Variants in ZNF827 observed in about 807,000 individuals in gnomAD.
ZNF827 encodes zinc finger protein 827.
Under a neutral mutation model 102.4 loss-of-function variants are expected in ZNF827, and 13 were observed. The ratio of observed to expected loss-of-function variants is 0.13; its 90% confidence interval spans 0.08 to 0.20. The LOEUF is 0.20. Ranked by LOEUF, ZNF827 falls within the 10% of genes least tolerant of loss-of-function variation. ZNF827 has a pLI of 1.00. For synonymous variants in ZNF827, 523 were observed against 536.2 expected (o/e 0.98, Z 0.34); for missense variants, 1,103 against 1,344.4 (o/e 0.82, Z 2.81).
intron 9 of ZNF827, 27 bp downstream of exon 9, chr4:145,779,347 C>T: frequency 6.2e-7 from 1 of 1,610,396 alleles, no homozygotes; most frequent in Middle Eastern, 1.7e-4. Flanking sequence ...GCATAGAGGG[C>T]TGACAGCCCA....
At position 145,765,487 on chromosome 4, in the gene ZNF827, C is replaced by T. The variant is rs115676530; in HGVS notation, c.3052+60G>A. 3,202 of 1,542,828 alleles carry T rather than the reference C, an allele frequency of 2.1e-3. 71 individuals carry two copies. The African/African-American group carries it at 0.04, about 19-fold the overall frequency. The stretch of plus-strand genomic sequence containing the variant: ...ATCGCTCCTGTGCAGGGCTTATTCT[C>T]AAGAATGGGTCATCCTGGGTGCGGA... On this transcript the variant is annotated intron_variant, in intron 12 of 14. Coordinates refer to ENST00000508784, the MANE Select transcript of ZNF827 (RefSeq NM_001306215.2). The surrounding 1 kb of genome is among the most constrained non-coding windows in gnomAD (Gnocchi z 4.7).
chr4:145,850,127 A>G (rs966383002), intron 5 of ZNF827, among the ~76,000 whole-genome samples: 1 of 151,732 alleles, frequency 6.6e-6, no homozygotes, highest in African/African-American at 2.4e-5. Flanking sequence ...CTCCTGCCTC[A>G]GCCTCCCGAG....
chr4:145,781,195 C>CAAAAAAAAAAAAAAAAAAAAAAAA (rs10605153), intron 8 of ZNF827, among the ~76,000 whole-genome samples: 47 of 56,532 alleles, frequency 8.3e-4, no homozygotes, highest in East Asian at 1.4e-3. Context: ...GACACCATCT[C>CAAAAAAAAAAAAAAAAAAAAAAAA]AAAAAAAAAA....
At chr4:145,772,362 T>TC (rs942604742) in intron 11 of ZNF827, among the ~76,000 whole-genome samples, 11 of 152,310 alleles carry the variant, frequency 7.2e-5, no homozygotes, top group Admixed American at 7.2e-4. Context: ...TTTGCAATAG[T>TC]CCAACTTACT....
chr4:145,923,388 T>G (rs1358177619), intron 1 of ZNF827, among the ~76,000 whole-genome samples: 3 of 151,504 alleles, frequency 2.0e-5, no homozygotes, highest in Non-Finnish European at 4.4e-5. Flanking sequence ...GCGGATCACC[T>G]GAGGCCAGGA....
chr4:145,773,960 G>A (rs966312634), intron 11 of ZNF827, among the ~76,000 whole-genome samples: 20 of 152,264 alleles, frequency 1.3e-4, no homozygotes, highest in Admixed American at 1.2e-3. Context: ...CAGAGAGCAA[G>A]CTCTGGAATG....
chr4:145,901,587 G>A (rs942574178), intron 2 of ZNF827, among the ~76,000 whole-genome samples: 2 of 152,152 alleles, frequency 1.3e-5, no homozygotes, highest in African/African-American at 4.8e-5. Flanking sequence ...ATCTTTTTGA[G>A]TTCTTATAGG....
chr4:145,927,139 T>C (rs1414338499), intron 1 of ZNF827, among the ~76,000 whole-genome samples: 1 of 152,204 alleles, frequency 6.6e-6, no homozygotes, highest in Non-Finnish European at 1.5e-5. Flanking sequence ...CTGTGTTTCA[T>C]GCTCTAGAGA....
At chr4:145,882,623 A>G (rs1416450943) in intron 4 of ZNF827, among the ~76,000 whole-genome samples, 1 of 152,192 alleles carries the variant, frequency 6.6e-6, no homozygotes, top group Non-Finnish European at 1.5e-5. Context: ...TAGTTGAAGG[A>G]GCAAGAAAGA....
chr4:145,905,150 T>C (rs1198593761), intron 1 of ZNF827, among the ~76,000 whole-genome samples: 2 of 152,256 alleles, frequency 1.3e-5, no homozygotes, highest in Non-Finnish European at 2.9e-5. Context: ...AGGAATTGTA[T>C]TTTATTATCT....
At chr4:145,914,082 C>CACAG (rs1236738368) in intron 1 of ZNF827, among the ~76,000 whole-genome samples, 6 of 151,840 alleles carry the variant, frequency 4.0e-5, no homozygotes, top group African/African-American at 1.5e-4. Flanking sequence ...CACACACACA[C>CACAG]ACACACACCA....
chr4:145,780,278 A>G (rs1159773377), intron 8 of ZNF827, among the ~76,000 whole-genome samples: 1 of 152,236 alleles, frequency 6.6e-6, no homozygotes, highest in Non-Finnish European at 1.5e-5. Flanking sequence ...TATCCCTTGA[A>G]AGGAAATATG....
intron 5 of ZNF827, among the ~76,000 whole-genome samples, chr4:145,865,484 G>A (rs1300135524): frequency 1.3e-5 from 2 of 152,084 alleles, no homozygotes; most frequent in African/African-American, 2.4e-5. Flanking sequence ...CACAGACAGC[G>A]GGACTCCCAC....
At chr4:145,885,540 T>C (rs977260248) in intron 4 of ZNF827, 138 bp downstream of exon 4, 1 of 1,292,570 alleles carries the variant, frequency 7.7e-7, no homozygotes, top group Non-Finnish European at 1.0e-6. Flanking sequence ...ACTATCCAAA[T>C]TTAAAGGGAC....
At chr4:145,863,740 G>T (rs1257532302) in intron 5 of ZNF827, among the ~76,000 whole-genome samples, 1 of 151,998 alleles carries the variant, frequency 6.6e-6, no homozygotes, top group Non-Finnish European at 1.5e-5. Context: ...AGGTGGTGGG[G>T]ATAGAGAGTG....
At chr4:145,920,494 A>G (rs1752983154) in intron 1 of ZNF827, among the ~76,000 whole-genome samples, 1 of 152,226 alleles carries the variant, frequency 6.6e-6, no homozygotes, top group Non-Finnish European at 1.5e-5. Flanking sequence ...AAGTCTCCTC[A>G]GGAAGGGAGG....
Position 145,761,325 on chromosome 4 carries a change from G to A in ZNF827, c.*291C>T. ...GCAGGTTGAGATTGTCCTTGCGCTT[G>A]CAGCTGTAGCTGCACTGGTCACAGT... On this transcript the variant is annotated 3_prime_UTR_variant, in exon 15 of 15. Transcript: ENST00000508784. The surrounding 1 kb of genome is among the most constrained non-coding windows in gnomAD (Gnocchi z 6.8). 7.8e-7 allele frequency: 1 copy of A among 1,289,968 alleles called. No homozygotes were observed. The highest frequency in any genetic ancestry group is 1.2e-5 in the South Asian group (1 of 81,036). The allele number at this position is 1,289,968 out of a possible 1,614,324, so 79.9% of individuals were successfully genotyped here.
chr4:145,863,195 A>AACACTAGTTT (rs1747888414), intron 5 of ZNF827, among the ~76,000 whole-genome samples: 1 of 152,188 alleles, frequency 6.6e-6, no homozygotes, highest in Admixed American at 6.5e-5. Context: ...ACTATAATGA[A>AACACTAGTTT]ACACTAGTTT....
Position 145,760,707 on chromosome 4 carries a change from T to G in ZNF827, c.*909A>C. The G allele has an allele frequency of 5.8e-6, 6 of 1,028,746 alleles. No individual in the cohort carries two copies. The highest frequency in any genetic ancestry group is 1.8e-5 in the African/African-American group (1 of 54,562). 63.7% of individuals were successfully genotyped at this position (1,028,746 alleles called of 1,614,324 possible). ...GCAACATACACCTGCTGGGGTTGTGTTTAAGTTTTGTGGTTTTTTTTTTTT... is the reference window on the plus strand; with the variant it reads ...GCAACATACACCTGCTGGGGTTGTGGTTAAGTTTTGTGGTTTTTTTTTTTT... On this transcript the variant is annotated 3_prime_UTR_variant, in exon 15 of 15. Transcript: ENST00000508784.
Sources: allele counts gnomAD v4.1 joint callset (sites outside exome capture counted in the v4.1 genomes callset), GRCh38; gene constraint gnomAD v4.1.1; non-coding constraint Gnocchi (gnomAD v3.1); transcripts MANE v1.5; gene names NCBI Gene and HGNC (gene_info 2026-07-23, HGNC 2026-07-21).